Variants in FUT8 observed in about 807,000 individuals in gnomAD.
FUT8 encodes alpha-(1,6)-fucosyltransferase.
In FUT8, 29 loss-of-function variants were observed where a neutral mutation model predicts 71.3. The ratio of observed to expected loss-of-function variants is 0.41; its 90% CI spans 0.30 to 0.55. The LOEUF (loss-of-function observed/expected upper bound fraction) is 0.55. Ranked by LOEUF, FUT8 falls within the 20% of genes least tolerant of loss-of-function variation. FUT8 has a pLI of 0.34. For synonymous variants in FUT8, 254 were observed against 239.3 expected, an observed-to-expected ratio of 1.06 and a Z score of -0.57; for missense variants, 544 against 702.1, an observed-to-expected ratio of 0.77 and a Z score of 2.55.
upstream of FUT8, chr14:65,411,826 C>A (rs571217449): frequency 5.4e-4 from 191 of 351,580 alleles, no homozygotes; most frequent in African/African-American, 3.7e-3. Flanking sequence ...TCACGCGGCG[C>A]GCAGCTCTGA....
chr14:65,520,822 T>C (rs2139859400), intron 2 of FUT8, among the ~76,000 whole-genome samples: 1 of 152,284 alleles, frequency 6.6e-6, no homozygotes, highest in South Asian at 2.1e-4. Flanking sequence ...GTCCTTTGAA[T>C]TCTGATGCAT....
chr14:65,428,222 C>CTG (rs148794620), intron 1 of FUT8, among the ~76,000 whole-genome samples: 42 of 151,890 alleles, frequency 2.8e-4, no homozygotes, highest in African/African-American at 6.5e-4. Context: ...AATGTAGCCA[C>CTG]TGTGTGTGTG....
intron 7 of FUT8, among the ~76,000 whole-genome samples, chr14:65,682,505 A>G (rs1893086748): frequency 6.6e-6 from 1 of 151,788 alleles, no homozygotes; most frequent in Non-Finnish European, 1.5e-5. Flanking sequence ...ACCATGTCTC[A>G]GAAAAAAAAA....
At chr14:65,696,634 A>G (rs915653553) in intron 7 of FUT8, among the ~76,000 whole-genome samples, 1 of 151,832 alleles carries the variant, frequency 6.6e-6, no homozygotes, top group African/African-American at 2.4e-5. Context: ...AATTTTGGAA[A>G]ATTCTCAGGC....
In FUT8 at chr14:65,721,975, A is replaced by G; in HGVS notation, c.1036A>G (p.Ile346Val). ...CCCACAGCCTTGGCTAGAAAAAGAA[A>G]TAGAAGAAGCCACCAAGAAGCTTGG... ...IRPQPWLEKE[I>V]EEATKKLGFK... The change falls in exon 8 of 11, where the codon ATA becomes GTA. Residue 346 changes from isoleucine to valine, a missense_variant. Physicochemically the swap from Ile to Val is conservative, Grantham distance 29 (BLOSUM62 3). Transcript: ENST00000673929. The G allele has an allele frequency of 6.2e-7, 1 of 1,614,236 alleles. No individual in the cohort carries two copies. Among genetic ancestry groups the G allele is most frequent in the Non-Finnish European group, 8.5e-7 (1 of 1,180,040 alleles).
chr14:65,524,239 T>C (rs993670345), intron 2 of FUT8, among the ~76,000 whole-genome samples: 2 of 152,224 alleles, frequency 1.3e-5, no homozygotes, highest in African/African-American at 4.8e-5. Flanking sequence ...TATGTCCTCT[T>C]TTATTTCATT....
chr14:65,709,537 T>C (rs1894716099), intron 7 of FUT8, among the ~76,000 whole-genome samples: 1 of 152,120 alleles, frequency 6.6e-6, no homozygotes, highest in East Asian at 1.9e-4. Context: ...TGTTTGGTTG[T>C]GGGGGTAGGG....
the FUT8 span, among the ~76,000 whole-genome samples, chr14:65,365,328 C>CCTCTCTCTCTCT: frequency 1.4e-5 from 2 of 139,074 alleles, no homozygotes; most frequent in African/African-American, 5.4e-5. Flanking sequence ...ATAAATTCTT[C>CCTCTCTCTCTCT]CTCTCTCTCT....
upstream of FUT8, chr14:65,412,259 G>A (rs1233945984): frequency 2.2e-6 from 1 of 456,414 alleles, no homozygotes; most frequent in South Asian, 1.5e-5. Flanking sequence ...GCGGCCAAAT[G>A]CGGGCTGCAG....
At chr14:65,580,207 GTACTACATACC>G (rs2140109610) in intron 3 of FUT8, among the ~76,000 whole-genome samples, 1 of 151,370 alleles carries the variant, frequency 6.6e-6, no homozygotes, top group African/African-American at 2.4e-5. Flanking sequence ...AGGCTAGTGT[GTACTACATACC>G]TAGGGTATAT....
intron 7 of FUT8, among the ~76,000 whole-genome samples, chr14:65,694,590 A>T (rs1893885831): frequency 6.6e-6 from 1 of 152,100 alleles, no homozygotes; most frequent in Non-Finnish European, 1.5e-5. Context: ...AGACACATAC[A>T]CTTGTATGTT....
intron 7 of FUT8, among the ~76,000 whole-genome samples, chr14:65,707,949 G>A (rs550799238): frequency 1.7e-4 from 26 of 152,082 alleles, no homozygotes; most frequent in Admixed American, 6.6e-5. Flanking sequence ...GACTATTTGG[G>A]TTTTTTAGTG....
chr14:65,654,574 G>A (rs766020053), intron 6 of FUT8, among the ~76,000 whole-genome samples: 67 of 136,484 alleles, frequency 4.9e-4, no homozygotes, highest in Non-Finnish European at 7.9e-4. Flanking sequence ...CTGGGCGACA[G>A]AGCAAGATTC....
intron 1 of FUT8, among the ~76,000 whole-genome samples, chr14:65,449,933 C>G (rs1304611236): frequency 6.6e-6 from 1 of 152,134 alleles, no homozygotes; most frequent in Non-Finnish European, 1.5e-5. Context: ...GTAAATAGCC[C>G]TTTTATTATC....
intron 2 of FUT8, among the ~76,000 whole-genome samples, chr14:65,518,489 G>A (rs1363987123): frequency 6.6e-6 from 1 of 152,030 alleles, no homozygotes; most frequent in East Asian, 1.9e-4. Flanking sequence ...GTAAGTCACT[G>A]TAAGAACAGT....
At chr14:65,378,350 A>T in the FUT8 span, among the ~76,000 whole-genome samples, 2 of 152,162 alleles carry the variant, frequency 1.3e-5, no homozygotes, top group Non-Finnish European at 2.9e-5. Flanking sequence ...AAGGTTAAGT[A>T]GGATGGAATC....
At chr14:65,693,408 G>A (rs909650362) in intron 7 of FUT8, among the ~76,000 whole-genome samples, 4 of 152,190 alleles carry the variant, frequency 2.6e-5, no homozygotes, top group African/African-American at 9.7e-5. Context: ...TCGGCAGGCT[G>A]AGGCAGGAGA....
chr14:65,443,158 C>A (rs1291805567), intron 1 of FUT8, among the ~76,000 whole-genome samples: 1 of 152,112 alleles, frequency 6.6e-6, no homozygotes, highest in Non-Finnish European at 1.5e-5. Context: ...CGCCTGTAAT[C>A]CCAGCACTTT....
Position 65,743,474 on chromosome 14 carries a change from A to C in FUT8, c.*1064A>C, listed in dbSNP as rs1896599903. 6.6e-6 allele frequency: 1 copy of C among 151,856 alleles called. No homozygotes were observed. Among genetic ancestry groups the C allele is most frequent in the South Asian group, 2.1e-4 (1 of 4,826 alleles). The allele number at this position is 151,856 out of a possible 1,614,324, so 9.4% of individuals were successfully genotyped here. ...TCACCTCCATTTCTAAAACCATTTC[A>C]GGTTTGTTTGGTAGTCTTTCTTAAT... On this transcript the variant is annotated 3_prime_UTR_variant, in exon 11 of 11. Transcript: ENST00000673929.
Sources: gnomAD v4.1 joint callset for allele counts (sites outside exome capture counted in the v4.1 genomes callset) on GRCh38, gnomAD v4.1.1 for gene constraint, MANE v1.5 for transcripts, NCBI Gene and HGNC (gene_info 2026-07-23, HGNC 2026-07-21) for gene names.